USP34: variants seen among roughly 807,000 people sequenced by gnomAD.
USP34 encodes the protein ubiquitin specific peptidase 34.
Under a neutral mutation model 460.3 loss-of-function variants are expected in USP34, and 70 were observed. The observed-to-expected ratio is 0.15, with a 90% CI of 0.13 to 0.19. The LOEUF is 0.19. USP34 is among the 10% of genes least tolerant of loss of function. The probability of loss-of-function intolerance (pLI) is 1.00; values close to 1 mark genes in which losing one functional copy is unlikely to be tolerated. For missense variants in USP34, 3,985 were observed against 4,236.2 expected (o/e 0.94, Z 1.65); for synonymous variants, 1,647 against 1,405.3 (o/e 1.17, Z -3.85).
chr2:61,313,843 AT>A (rs1412028818), intron 25 of USP34, among the ~76,000 whole-genome samples: 6 of 152,108 alleles, frequency 3.9e-5, no homozygotes, highest in Non-Finnish European at 7.4e-5. Context: ...TATTTTAAAA[AT>A]GTCAATAAAT....
At chr2:61,400,161 G>C (rs932867436) in intron 3 of USP34, among the ~76,000 whole-genome samples, 7 of 150,498 alleles carry the variant, frequency 4.7e-5, no homozygotes, top group Non-Finnish European at 1.0e-4. Flanking sequence ...CCAGGCTGGA[G>C]TGCAGCGGCA....
chr2:61,432,196 G>T (rs188857824), intron 1 of USP34, among the ~76,000 whole-genome samples: 57 of 151,210 alleles, frequency 3.8e-4, no homozygotes, highest in African/African-American at 1.3e-3. Context: ...AAAAAAAATG[G>T]AATGTAGTGA....
intron 50 of USP34, 62 bp downstream of exon 50, chr2:61,246,262 T>G: frequency 7.6e-7 from 1 of 1,323,588 alleles, no homozygotes; most frequent in South Asian, 2.3e-5. Context: ...AACTAAACAC[T>G]GAAAACATAT....
At chr2:61,376,309 C>T (rs1692798806) in intron 8 of USP34, among the ~76,000 whole-genome samples, 1 of 152,214 alleles carries the variant, frequency 6.6e-6, no homozygotes, top group Non-Finnish European at 1.5e-5. Context: ...ACACTGTACA[C>T]ATACTCTCCC....
chr2:61,219,028 T>C (rs1687482162), intron 67 of USP34, among the ~76,000 whole-genome samples: 1 of 152,334 alleles, frequency 6.6e-6, no homozygotes. Flanking sequence ...TGTGTACATA[T>C]ATTATATGGA....
chr2:61,285,086 G>T, intron 34 of USP34, 129 bp from the exon 35 acceptor site: 1 of 617,472 alleles, frequency 1.6e-6, no homozygotes, highest in South Asian at 2.5e-5. Context: ...AAATTATTTT[G>T]ATATTTATCT....
At chr2:61,342,722 A>G (rs992599589) in intron 16 of USP34, among the ~76,000 whole-genome samples, 4 of 152,208 alleles carry the variant, frequency 2.6e-5, no homozygotes, top group African/African-American at 9.7e-5. Context: ...AGTACTAAAA[A>G]CATTGTAAAA....
Position 61,395,166 on chromosome 2 carries a change from A to T in USP34, c.603+17T>A. ...AATAAAATTTTCCATAAAAGAATAAAAAAGGTAAACACTTACATTCATATC... is the reference window on the plus strand; with the variant it reads ...AATAAAATTTTCCATAAAAGAATAATAAAGGTAAACACTTACATTCATATC... On this transcript the variant is annotated intron_variant, in intron 4 of 79. Coordinates refer to ENST00000398571, the MANE Select transcript of USP34 (RefSeq NM_014709.4). 6.7e-7 allele frequency: 1 copy of T among 1,494,720 alleles called. No individual in the cohort carries two copies. Among genetic ancestry groups the T allele is most frequent in the Non-Finnish European group, 9.1e-7 (1 of 1,098,262 alleles). 92.6% of individuals were successfully genotyped at this position (1,494,720 alleles called of 1,614,324 possible).
chr2:61,375,661 C>A (rs1176713393), intron 8 of USP34, among the ~76,000 whole-genome samples: 2 of 147,826 alleles, frequency 1.4e-5, no homozygotes, highest in African/African-American at 5.0e-5. Context: ...CCCAGCTACT[C>A]GGGAGGCTGA....
intron 10 of USP34, among the ~76,000 whole-genome samples, chr2:61,353,597 T>C (rs557767226): frequency 6.6e-6 from 1 of 151,880 alleles, no homozygotes; most frequent in African/African-American, 2.4e-5. Context: ...TAGTTGGGTT[T>C]TTTTTGTATT....
At chr2:61,418,741 G>A (rs973349789) in intron 2 of USP34, among the ~76,000 whole-genome samples, 6 of 152,176 alleles carry the variant, frequency 3.9e-5, no homozygotes, top group Admixed American at 6.5e-5. Flanking sequence ...TTCACTACAA[G>A]GCACTGTGAT....
In USP34 at chr2:61,232,433, C is replaced by G. The variant is rs760880157; in HGVS notation, c.7113+19G>C. 2 of 1,578,076 alleles carry G rather than the reference C, an allele frequency of 1.3e-6. No homozygotes were observed. The highest frequency in any genetic ancestry group is 1.7e-6 in the Non-Finnish European group (2 of 1,157,312). The stretch of plus-strand genomic sequence containing the variant: ...AACTTCTTTTCCAAATAATTTTTTT[C>G]AAACATATTTTTCCTTACCTGTCTC... On this transcript the variant is annotated intron_variant, in intron 58 of 79. Transcript: ENST00000398571.
At chr2:61,308,768 T>C (rs1430356383) in intron 27 of USP34, among the ~76,000 whole-genome samples, 1 of 152,150 alleles carries the variant, frequency 6.6e-6, no homozygotes, top group Non-Finnish European at 1.5e-5. Context: ...TGGCTGGGCA[T>C]GGTGGCTCAT....
At chr2:61,368,260 G>C (rs796923319) in intron 10 of USP34, among the ~76,000 whole-genome samples, 1 of 152,016 alleles carries the variant, frequency 6.6e-6, no homozygotes, top group Non-Finnish European at 1.5e-5. Flanking sequence ...GGTGAAACCC[G>C]GTCTCTACTA....
At chr2:61,369,642 CAAAAAAAAAAAA>C (rs57947331) in intron 10 of USP34, among the ~76,000 whole-genome samples, 1 of 43,428 alleles carries the variant, frequency 2.3e-5, no homozygotes, top group Non-Finnish European at 3.9e-5. Flanking sequence ...GATTCCGTCT[CAAAAAAAAAAAA>C]AAAAAAAAAA....
intron 5 of USP34, among the ~76,000 whole-genome samples, chr2:61,389,812 G>A (rs562457477): frequency 6.6e-6 from 1 of 151,300 alleles, no homozygotes; most frequent in African/African-American, 2.4e-5. Flanking sequence ...AATTCTAGCA[G>A]CCCTCCTAAC....
chr2:61,308,030 C>G (rs746682462), intron 27 of USP34, among the ~76,000 whole-genome samples: 1 of 151,818 alleles, frequency 6.6e-6, no homozygotes, highest in Non-Finnish European at 1.5e-5. Flanking sequence ...GCCTGGGTGA[C>G]AGAGTGAGAC....
intron 48 of USP34, among the ~76,000 whole-genome samples, chr2:61,252,299 AAT>A (rs1368937531): frequency 6.6e-6 from 1 of 152,148 alleles, no homozygotes; most frequent in Non-Finnish European, 1.5e-5. Context: ...TGGGTTGTAA[AAT>A]GGAGATTACC....
rs1417395349 is a variant in USP34, at chr2:61,361,323, G to A, written c.1251+8998C>T. On this transcript the variant is annotated intron_variant, in intron 10 of 79. Transcript: ENST00000398571. ...GTAGTCCTAGCTATTTTGAAAGGCT[G>A]AGGCAGGAAGATCACCTCAGTGCAG... is the stretch of plus-strand genomic sequence containing the variant. 2.6e-5 allele frequency among the ~76,000 whole-genome samples: 4 copies of A among 152,174 alleles called. No homozygotes were observed. In the East Asian group the frequency reaches 7.7e-4, roughly 29 times the overall value.
Sources: allele counts gnomAD v4.1 joint callset (sites outside exome capture counted in the v4.1 genomes callset), GRCh38; gene constraint gnomAD v4.1.1; transcripts MANE v1.5; gene names NCBI Gene and HGNC (gene_info 2026-07-23, HGNC 2026-07-21).